The following WHRN variants were observed in gnomAD, a reference collection of about 807,000 sequenced individuals.
The protein encoded by WHRN is whirlin.
In WHRN, 41 loss-of-function variants were observed where a neutral mutation model predicts 68.3. The observed-to-expected ratio is 0.60, with a 90% CI of 0.47 to 0.78. The LOEUF is 0.78. WHRN is among the 30% of genes least tolerant of loss of function. The pLI is 0.00. For synonymous variants in WHRN, 560 were observed against 561.3 expected, an observed-to-expected ratio of 1.00 and a Z score of 0.03; for missense variants, 1,243 against 1,244.7, an observed-to-expected ratio of 1.00 and a Z score of 0.02.
intron 2 of WHRN, among the ~76,000 whole-genome samples, chr9:114,467,090 C>T (rs1425169267): frequency 6.7e-6 from 1 of 150,210 alleles, no homozygotes; most frequent in South Asian, 2.1e-4. Context: ...CTAAGGGTCT[C>T]CTGTCACTTC....
In WHRN at chr9:114,403,965, C is replaced by T. The variant is rs771368811; in HGVS notation, c.2349G>A (p.Val783=). The change falls in exon 10 of 12, where the codon GTG becomes GTA. Residue 783 remains valine, a synonymous_variant. Coordinates refer to ENST00000362057, the MANE Select transcript of WHRN (RefSeq NM_015404.4). The stretch of plus-strand genomic sequence containing the variant: ...CCTTGCTACTCCTGCTCTTGGTGGA[C>T]ACCGACTGCCTTCCTCGGCCTGGGG... ...ASAPGRGRQS[V]STKSRSSKEL... is the part of the protein sequence containing the mutation. The T allele has an allele frequency of 9.9e-6, 16 of 1,611,826 alleles. No homozygotes were observed. Among genetic ancestry groups the T allele is most frequent in the South Asian group, 5.5e-5 (5 of 91,068 alleles).
At chr9:114,497,052 A>G (rs1843519029) in intron 1 of WHRN, among the ~76,000 whole-genome samples, 1 of 152,232 alleles carries the variant, frequency 6.6e-6, no homozygotes, top group Non-Finnish European at 1.5e-5. Flanking sequence ...TTAATTCCTA[A>G]GCAAGCTAAC....
chr9:114,438,697 C>T (rs538484593), intron 3 of WHRN, among the ~76,000 whole-genome samples: 2 of 152,048 alleles, frequency 1.3e-5, no homozygotes, highest in South Asian at 2.1e-4. Context: ...ATGATCCGCC[C>T]GCCTTGGCCT....
chr9:114,408,827 G>A (rs2132228237), intron 7 of WHRN, among the ~76,000 whole-genome samples: 1 of 152,346 alleles, frequency 6.6e-6, no homozygotes. Flanking sequence ...CATATGAATG[G>A]GTGGACTGGG....
At chr9:114,485,165 C>G (rs1265205600) in intron 1 of WHRN, among the ~76,000 whole-genome samples, 1 of 152,194 alleles carries the variant, frequency 6.6e-6, no homozygotes, top group Non-Finnish European at 1.5e-5. Flanking sequence ...GCAAGGTTTT[C>G]TCTTTTCGGA....
intron 1 of WHRN, chr9:114,503,186 AG>A: frequency 7.1e-6 from 7 of 985,572 alleles, no homozygotes; most frequent in Non-Finnish European, 8.4e-6. Flanking sequence ...AGCAGCCAGC[AG>A]GCCCTCAGCT....
chr9:114,406,796 G>A lies in WHRN; in HGVS notation c.1795C>T (p.Pro599Ser), dbSNP rs748473403. The change falls in exon 9 of 12, where the codon CCA (proline) becomes TCA (serine). Residue 599 changes from proline (P) to serine (S), a missense_variant. Coordinates refer to ENST00000362057, the MANE Select transcript of WHRN (RefSeq NM_015404.4). ...AQGNDLPLGQ[P>S]RKLGREDLQP... Reference sequence around the variant, plus strand: ...AGGTCCTCTCTCCCCAGCTTCCTTGGCTGGCCTAGTGGGAGGTCGTTGCCT... The same window carrying A: ...AGGTCCTCTCTCCCCAGCTTCCTTGACTGGCCTAGTGGGAGGTCGTTGCCT... 9 of 1,613,384 alleles carry A rather than the reference G, an allele frequency of 5.6e-6. No homozygotes were observed. In the African/African-American group the frequency reaches 1.2e-4, roughly 22 times the overall value.
rs549307018 is a variant in WHRN at position 114,467,255 on chromosome 9, T to C, written c.838-863A>G. ...ATGATGGTCCCTGGCTCTACATACA[T>C]AGGGTGCACCCACTAAATGCAGTCC... On this transcript the variant is annotated intron_variant, in intron 2 of 11. Transcript: ENST00000362057. Among the ~76,000 whole-genome samples the C allele has an allele frequency of 3.3e-5, 5 of 152,108 alleles. No individual in the cohort carries two copies. In the East Asian group the frequency reaches 7.7e-4, roughly 23 times the overall value.
intron 3 of WHRN, among the ~76,000 whole-genome samples, chr9:114,430,102 C>A (rs1041671361): frequency 2.0e-5 from 3 of 152,184 alleles, no homozygotes; most frequent in African/African-American, 4.8e-5. Flanking sequence ...ATCATCCCTG[C>A]AGTTTAGTTA....
intron 7 of WHRN, among the ~76,000 whole-genome samples, chr9:114,416,837 A>G (rs1356611754): frequency 2.0e-5 from 3 of 152,172 alleles, no homozygotes; most frequent in Non-Finnish European, 4.4e-5. Context: ...AACAACCCAG[A>G]CAGCTGGTCT....
intron 1 of WHRN, among the ~76,000 whole-genome samples, chr9:114,484,322 C>T (rs978375567): frequency 1.3e-5 from 2 of 152,228 alleles, no homozygotes; most frequent in South Asian, 2.1e-4. Flanking sequence ...AACCACACCC[C>T]TCTCTAGCCA....
chr9:114,421,488 T>C (rs1836280206), intron 7 of WHRN, among the ~76,000 whole-genome samples: 1 of 152,200 alleles, frequency 6.6e-6, no homozygotes, highest in African/African-American at 2.4e-5. Flanking sequence ...CCAGAAAGGC[T>C]GGGGCTCAAA....
chr9:114,427,959 C>T (rs1589117180), intron 3 of WHRN, among the ~76,000 whole-genome samples: 1 of 152,162 alleles, frequency 6.6e-6, no homozygotes, highest in Non-Finnish European at 1.5e-5. Context: ...CTCAGCTTTG[C>T]GTGATGACTG....
In WHRN at chr9:114,504,965, G is replaced by A; in HGVS notation, c.-164C>T. On this transcript the variant is annotated 5_prime_UTR_variant, in exon 1 of 12. Transcript: ENST00000362057. ...CAGTGGCTGGATCCTAGGGGGTCGC[G>A]GAGACCGCTGCTAGAGTCCCGGAGG... The A allele has an allele frequency of 1.9e-6, 2 of 1,061,516 alleles. No individual in the cohort carries two copies. Among genetic ancestry groups the A allele is most frequent in the Non-Finnish European group, 2.4e-6 (2 of 816,514 alleles). 65.8% of individuals were successfully genotyped at this position (1,061,516 alleles called of 1,614,324 possible).
intron 6 of WHRN, among the ~76,000 whole-genome samples, chr9:114,423,836 T>C (rs549614148): frequency 1.3e-5 from 2 of 152,324 alleles, no homozygotes; most frequent in Admixed American, 1.3e-4. Flanking sequence ...CCCTTTCCAA[T>C]ACTCATCTCC....
chr9:114,428,807 G>A (rs1467910679), intron 3 of WHRN, among the ~76,000 whole-genome samples: 2 of 151,144 alleles, frequency 1.3e-5, no homozygotes, highest in African/African-American at 4.9e-5. Context: ...AGCAAATCCC[G>A]TCCTCCACCC....
intron 3 of WHRN, among the ~76,000 whole-genome samples, chr9:114,430,112 A>G (rs1325112061): frequency 6.6e-6 from 1 of 152,216 alleles, no homozygotes; most frequent in Non-Finnish European, 1.5e-5. Context: ...CAGTTTAGTT[A>G]AAGGAACGGG....
At chr9:114,484,499 A>G (rs1262507630) in intron 1 of WHRN, among the ~76,000 whole-genome samples, 1 of 152,214 alleles carries the variant, frequency 6.6e-6, no homozygotes, top group Non-Finnish European at 1.5e-5. Flanking sequence ...CACAATGCCT[A>G]TCACTGAGGA....
intron 8 of WHRN, 147 bp downstream of exon 8, chr9:114,407,800 G>A: frequency 1.4e-6 from 1 of 709,388 alleles, no homozygotes; most frequent in Non-Finnish European, 2.5e-6. Context: ...GCACAGACCT[G>A]TAGCTGGGTG....
Sources: allele counts gnomAD v4.1 joint callset (sites outside exome capture counted in the v4.1 genomes callset), GRCh38; gene constraint gnomAD v4.1.1; transcripts MANE v1.5; gene names NCBI Gene and HGNC (gene_info 2026-07-23, HGNC 2026-07-21).